Variants in MARCHF4 observed in about 807,000 individuals in gnomAD.
The protein encoded by MARCHF4 is membrane associated ring-CH-type finger 4, also known as E3 ubiquitin-protein ligase MARCHF4.
Under a neutral mutation model 43.9 loss-of-function variants are expected in MARCHF4, and 14 were observed. That is an observed-to-expected ratio of 0.32 (90% CI 0.21 to 0.50). MARCHF4 has a LOEUF of 0.50. Ranked by LOEUF, MARCHF4 falls within the 20% of genes least tolerant of loss-of-function variation. The pLI is 0.98. For missense variants in MARCHF4, 468 were observed against 536.7 expected (o/e 0.87, Z 1.27); for synonymous variants, 226 against 213.3 (o/e 1.06, Z -0.52).
chr2:216,316,211 C>T (rs903203997), intron 1 of MARCHF4, among the ~76,000 whole-genome samples: 1 of 152,204 alleles, frequency 6.6e-6, no homozygotes, highest in East Asian at 1.9e-4. Context: ...CTTCCGCCTT[C>T]GAGGCTGTGA....
chr2:216,368,336 G>A (rs1010414440), intron 1 of MARCHF4, among the ~76,000 whole-genome samples: 2 of 152,182 alleles, frequency 1.3e-5, no homozygotes, highest in African/African-American at 4.8e-5. Context: ...ATGAAGGGAA[G>A]GCACTCTGGA....
intron 1 of MARCHF4, among the ~76,000 whole-genome samples, chr2:216,368,053 A>T (rs1246009510): frequency 6.6e-6 from 1 of 152,122 alleles, no homozygotes; most frequent in Non-Finnish European, 1.5e-5. Context: ...ATCCCAGGGC[A>T]CCTCCAAGTC....
At chr2:216,272,756 G>T (rs1444571400) in intron 3 of MARCHF4, among the ~76,000 whole-genome samples, 2 of 152,216 alleles carry the variant, frequency 1.3e-5, no homozygotes, top group Admixed American at 6.5e-5. Context: ...GGCTTTCACA[G>T]TGGCATGCAT....
At position 216,283,694 on chromosome 2, in the gene MARCHF4, C is replaced by T. The variant is rs876771; in HGVS notation, c.552G>A (p.Ser184=). 48 of 1,611,628 alleles carry T rather than the reference C, an allele frequency of 3.0e-5. No individual in the cohort carries two copies. In the East Asian group the frequency reaches 8.3e-4, roughly 28 times the overall value. ...GGCAAGGCTGGTGTGTGCACTTGAC[C>T]GAGCCATCACAGCGGCATGGGCTCA... ...ELLSPCRCDG[S]VKCTHQPCLI... Residue 184 remains serine, a synonymous_variant, in exon 2 of 4, where the codon TCG becomes TCA. Coordinates refer to ENST00000273067, the MANE Select transcript of MARCHF4 (RefSeq NM_020814.3).
At chr2:216,367,916 T>C (rs1186060276) in intron 1 of MARCHF4, among the ~76,000 whole-genome samples, 1 of 152,154 alleles carries the variant, frequency 6.6e-6, no homozygotes, top group African/African-American at 2.4e-5. Flanking sequence ...TTCTCCTGGA[T>C]TCTCCCAACA....
At chr2:216,344,827 G>A (rs1238513056) in intron 1 of MARCHF4, among the ~76,000 whole-genome samples, 1 of 151,994 alleles carries the variant, frequency 6.6e-6, no homozygotes, top group Admixed American at 6.6e-5. Flanking sequence ...GTAATGGATG[G>A]AGCCAAGTCC....
chr2:216,350,938 A>C (rs1000550055), intron 1 of MARCHF4, among the ~76,000 whole-genome samples: 15 of 152,204 alleles, frequency 9.9e-5, no homozygotes, highest in African/African-American at 3.6e-4. Context: ...ATTAAACCGT[A>C]GAAAGAGCAT....
chr2:216,363,820 C>T (rs1401608219), intron 1 of MARCHF4, among the ~76,000 whole-genome samples: 2 of 152,156 alleles, frequency 1.3e-5, no homozygotes, highest in Admixed American at 6.5e-5. Context: ...ACTGTTCTCT[C>T]CAATCTTTGC....
chr2:216,354,314 T>C (rs1011777465), intron 1 of MARCHF4, among the ~76,000 whole-genome samples: 2 of 152,204 alleles, frequency 1.3e-5, no homozygotes, highest in African/African-American at 2.4e-5. Context: ...ATTGCCATAT[T>C]TTGGCATACA....
chr2:216,346,323 C>A (rs944834496), intron 1 of MARCHF4, among the ~76,000 whole-genome samples: 15 of 151,980 alleles, frequency 9.9e-5, no homozygotes, highest in African/African-American at 3.4e-4. Flanking sequence ...CCCACCACCC[C>A]CTCATGAACA....
At chr2:216,280,635 C>T (rs747852795) in intron 2 of MARCHF4, among the ~76,000 whole-genome samples, 22 of 152,270 alleles carry the variant, frequency 1.4e-4, no homozygotes, top group Non-Finnish European at 2.6e-4. Context: ...TATTCCCAAA[C>T]GTGCCTGTGC....
In MARCHF4 at chr2:216,370,219, GCAC is replaced by G. The variant is rs761601556; in HGVS notation, c.39_41del (p.Trp13del). On this transcript the variant is annotated inframe_deletion, in exon 1 of 4. Transcript: ENST00000273067. ...CATAGCAGTACCAGCCGGAGCAGCA[GCAC>G]CACCACCACCAGAGCAGCCCACACA... 3.1e-6 allele frequency: 5 copies of G among 1,610,338 alleles called. No homozygotes were observed. Among genetic ancestry groups the G allele is most frequent in the Admixed American group, 1.7e-5 (1 of 59,876 alleles).
At chr2:216,320,877 C>T in intron 1 of MARCHF4, among the ~76,000 whole-genome samples, 1 of 126,850 alleles carries the variant, frequency 7.9e-6, no homozygotes, top group Non-Finnish European at 1.6e-5. Context: ...GACGGGGTTT[C>T]ACCATGTTGG....
chr2:216,278,300 T>G (rs964574148), intron 2 of MARCHF4, among the ~76,000 whole-genome samples: 1 of 152,216 alleles, frequency 6.6e-6, no homozygotes, highest in Non-Finnish European at 1.5e-5. Context: ...CTCGGCTCAT[T>G]GCAAGCTCCA....
intron 3 of MARCHF4, among the ~76,000 whole-genome samples, chr2:216,277,412 TA>T (rs1691043152): frequency 6.6e-6 from 1 of 152,194 alleles, no homozygotes; most frequent in Admixed American, 6.5e-5. Context: ...CAAATCCTCC[TA>T]GAGGCAGGCC....
intron 1 of MARCHF4, among the ~76,000 whole-genome samples, chr2:216,329,624 A>G (rs1692053216): frequency 7.9e-6 from 1 of 126,700 alleles, no homozygotes; most frequent in Non-Finnish European, 1.6e-5. Flanking sequence ...AACAGGTAGG[A>G]CAAATAAAAA....
intron 1 of MARCHF4, among the ~76,000 whole-genome samples, chr2:216,337,653 A>G (rs1692178258): frequency 1.3e-5 from 2 of 152,354 alleles, no homozygotes; most frequent in South Asian, 4.1e-4. Context: ...TATATAAGCC[A>G]CTGTGCCTCT....
chr2:216,338,545 AACCT>A (rs1559103013), intron 1 of MARCHF4, among the ~76,000 whole-genome samples: 1 of 152,172 alleles, frequency 6.6e-6, no homozygotes, highest in Non-Finnish European at 1.5e-5. Context: ...AGGTTCTAGT[AACCT>A]ACCTCCTCCT....
intron 1 of MARCHF4, among the ~76,000 whole-genome samples, chr2:216,343,432 C>T (rs1471989280): frequency 6.6e-6 from 1 of 152,174 alleles, no homozygotes; most frequent in Non-Finnish European, 1.5e-5. Flanking sequence ...GGAGAATCTA[C>T]TCACATGACC....
Sources: gnomAD v4.1 joint callset for allele counts (sites outside exome capture counted in the v4.1 genomes callset) on GRCh38, gnomAD v4.1.1 for gene constraint, MANE v1.5 for transcripts, NCBI Gene and HGNC (gene_info 2026-07-23, HGNC 2026-07-21) for gene names.